The following CDH13 variants were observed in gnomAD, a reference collection of about 807,000 sequenced individuals.
The protein encoded by CDH13 is cadherin-13.
CDH13 carries 24 observed loss-of-function variants against 63.8 expected under a neutral mutation model. The ratio of observed to expected loss-of-function variants is 0.38; its 90% CI spans 0.27 to 0.53. The LOEUF (loss-of-function observed/expected upper bound fraction) is 0.53, where lower values mean the gene tolerates loss of function less well. Among genes scored for constraint, CDH13 ranks in the 20% least tolerant of loss-of-function variants. The pLI, the probability that CDH13 is intolerant of heterozygous loss-of-function variation, is 0.85. For synonymous variants in CDH13, 503 were observed against 355.3 expected, an observed-to-expected ratio of 1.42 and a Z score of -4.67; for missense variants, 1,049 against 903.1, an observed-to-expected ratio of 1.16 and a Z score of -2.07.
chr16:83,305,598 G>A lies in CDH13; in HGVS notation c.637-39264G>A, dbSNP rs191010150. On this transcript the variant is annotated intron_variant, in intron 5 of 13. Transcript: ENST00000567109. Reference sequence around the variant, plus strand: ...CAAGTTGGCATCCCAGTTCTTCCACGTAGCAGCTATAACCTTGATGCAGTG... The same window carrying A: ...CAAGTTGGCATCCCAGTTCTTCCACATAGCAGCTATAACCTTGATGCAGTG... Among the ~76,000 whole-genome samples, 18 of 152,252 alleles carry A rather than the reference G, an allele frequency of 1.2e-4. No individual in the cohort carries two copies. In the East Asian group the frequency reaches 2.9e-3, roughly 25 times the overall value.
intron 2 of CDH13, among the ~76,000 whole-genome samples, chr16:82,931,648 T>A (rs2042497251): frequency 6.6e-6 from 1 of 152,110 alleles, no homozygotes; most frequent in African/African-American, 2.4e-5. Context: ...CACAGTTCCA[T>A]GTGGCTGGGG....
At chr16:82,981,129 T>C (rs17682789) in intron 2 of CDH13, among the ~76,000 whole-genome samples, 40,830 of 152,108 alleles carry the variant, frequency 0.27, 5,581 homozygotes, top group Middle Eastern at 0.34. Flanking sequence ...ATATTTTCCA[T>C]TGAGCTGTTT....
intron 10 of CDH13, among the ~76,000 whole-genome samples, chr16:83,706,340 T>A (rs1016339950): frequency 6.6e-6 from 1 of 152,140 alleles, no homozygotes; most frequent in Non-Finnish European, 1.5e-5. Flanking sequence ...TTGCACTCAT[T>A]CATGAAGGCC....
chr16:83,078,266 C>G (rs182158109), intron 3 of CDH13, among the ~76,000 whole-genome samples: 9 of 152,244 alleles, frequency 5.9e-5, no homozygotes, highest in African/African-American at 1.9e-4. Context: ...GTTCTCTGTT[C>G]TGTAAACAAG....
intron 6 of CDH13, among the ~76,000 whole-genome samples, chr16:83,348,156 C>CT (rs1408771452): frequency 2.0e-5 from 3 of 152,196 alleles, no homozygotes; most frequent in Admixed American, 2.0e-4. Flanking sequence ...CGCCACTGCA[C>CT]TCCAGCCTGG....
At chr16:83,075,504 G>A (rs2032770786) in intron 3 of CDH13, among the ~76,000 whole-genome samples, 1 of 152,286 alleles carries the variant, frequency 6.6e-6, no homozygotes, top group South Asian at 2.1e-4. Flanking sequence ...AGATTGTTGT[G>A]GATGCAAAGG....
At chr16:83,305,646 G>A (rs1390219624) in intron 5 of CDH13, among the ~76,000 whole-genome samples, 1 of 152,216 alleles carries the variant, frequency 6.6e-6, no homozygotes, top group African/African-American at 2.4e-5. Flanking sequence ...CATGGCATGT[G>A]ACTTGGAGCC....
At chr16:82,794,516 A>G (rs1254098535) in intron 1 of CDH13, among the ~76,000 whole-genome samples, 1 of 151,830 alleles carries the variant, frequency 6.6e-6, no homozygotes, top group Non-Finnish European at 1.5e-5. Flanking sequence ...AATAGCTGAT[A>G]AATAACATAA....
chr16:83,622,345 A>G (rs1222056061), intron 8 of CDH13, among the ~76,000 whole-genome samples: 4 of 152,114 alleles, frequency 2.6e-5, no homozygotes, highest in Non-Finnish European at 4.4e-5. Flanking sequence ...GAGCTTCTAC[A>G]CACTCTTCCG....
chr16:83,234,319 A>G (rs2040085237), intron 5 of CDH13, among the ~76,000 whole-genome samples: 1 of 152,174 alleles, frequency 6.6e-6, no homozygotes, highest in Admixed American at 6.5e-5. Context: ...CTTGATTTTT[A>G]TTCCTGTTTG....
At position 83,473,384 on chromosome 16, in the gene CDH13, G is replaced by T. The variant is rs375361787; in HGVS notation, c.782-13093G>T. ...AGCAATTTGCTAGCACTTTCTTCCC[G>T]TTGAACACGGAGTCTGAATTGTGTG... On this transcript the variant is annotated intron_variant, in intron 6 of 13. Coordinates refer to ENST00000567109, the MANE Select transcript of CDH13 (RefSeq NM_001257.5). Among the ~76,000 whole-genome samples the T allele has an allele frequency of 2.0e-5, 3 of 152,252 alleles. No individual in the cohort carries two copies. The South Asian group carries it at 6.2e-4, about 32-fold the overall frequency.
intron 6 of CDH13, among the ~76,000 whole-genome samples, chr16:83,364,510 C>G (rs942035682): frequency 5.9e-5 from 9 of 152,178 alleles, no homozygotes; most frequent in Admixed American, 5.9e-4. Context: ...CCCTTCACAT[C>G]TTCTCTAAGA....
At chr16:82,755,877 C>G (rs1043154298) in intron 1 of CDH13, among the ~76,000 whole-genome samples, 1 of 152,104 alleles carries the variant, frequency 6.6e-6, no homozygotes, top group Non-Finnish European at 1.5e-5. Flanking sequence ...GTAACATGAA[C>G]ACAATCAAGA....
At chr16:82,959,779 C>T (rs574081462) in intron 2 of CDH13, among the ~76,000 whole-genome samples, 6 of 152,228 alleles carry the variant, frequency 3.9e-5, no homozygotes, top group African/African-American at 1.4e-4. Context: ...ATGTACCACA[C>T]GGTTGTTGTT....
At chr16:83,540,585 C>G (rs897417705) in intron 7 of CDH13, among the ~76,000 whole-genome samples, 17 of 152,202 alleles carry the variant, frequency 1.1e-4, no homozygotes, top group African/African-American at 4.1e-4. Context: ...TCTTAAGTTT[C>G]CATTTCTACG....
intron 1 of CDH13, among the ~76,000 whole-genome samples, chr16:82,775,129 C>A (rs74617910): frequency 0.044 from 6,642 of 152,224 alleles, 212 homozygotes; most frequent in Non-Finnish European, 0.069. Flanking sequence ...GTCTATACCT[C>A]GGCTGTCTTA....
At chr16:83,567,494 C>T (rs1239591437) in intron 7 of CDH13, among the ~76,000 whole-genome samples, 1 of 152,122 alleles carries the variant, frequency 6.6e-6, no homozygotes. Flanking sequence ...AGAGCTGGTG[C>T]ATGTGAAAAT....
intron 2 of CDH13, among the ~76,000 whole-genome samples, chr16:82,929,651 CAAAA>C (rs71146097): frequency 5.1e-3 from 226 of 44,164 alleles, no homozygotes; most frequent in African/African-American, 0.028. Context: ...GACTCCATCT[CAAAA>C]AAAAAAAAAA....
intron 4 of CDH13, among the ~76,000 whole-genome samples, chr16:83,210,723 A>T (rs1458768591): frequency 2.0e-5 from 3 of 152,002 alleles, no homozygotes. Flanking sequence ...ATACAAGGAA[A>T]AAAGAGTAAC....
Sources: gnomAD v4.1 joint callset for allele counts (sites outside exome capture counted in the v4.1 genomes callset) on GRCh38, gnomAD v4.1.1 for gene constraint, MANE v1.5 for transcripts, NCBI Gene and HGNC (gene_info 2026-07-23, HGNC 2026-07-21) for gene names.